The following ITGAV variants were observed in gnomAD, a reference collection of about 807,000 sequenced individuals.
ITGAV encodes integrin alpha-V.
A neutral mutation model predicts 143.8 loss-of-function variants in ITGAV; 76 were observed. The ratio of observed to expected loss-of-function variants is 0.53; its 90% CI spans 0.44 to 0.64. The LOEUF (loss-of-function observed/expected upper bound fraction) is 0.64, where lower values mean the gene tolerates loss of function less well. Ranked by LOEUF, ITGAV falls within the 30% of genes least tolerant of loss-of-function variation. The pLI, the probability that ITGAV is intolerant of heterozygous loss-of-function variation, is 0.00. For missense variants in ITGAV, 1,193 were observed against 1,274.7 expected, an observed-to-expected ratio of 0.94 and a Z score of 0.98; for synonymous variants, 453 against 446.7, an observed-to-expected ratio of 1.01 and a Z score of -0.18.
intron 2 of ITGAV, among the ~76,000 whole-genome samples, chr2:186,608,609 A>AT (rs1025028082): frequency 3.3e-5 from 5 of 151,672 alleles, no homozygotes; most frequent in African/African-American, 1.2e-4. Flanking sequence ...ATTAAGCTGA[A>AT]TTTTTTGTTG....
intron 25 of ITGAV, 27 bp from the exon 26 acceptor site, chr2:186,669,674 A>G (rs544507173): frequency 1.4e-6 from 2 of 1,462,836 alleles, no homozygotes; most frequent in East Asian, 4.5e-5. Flanking sequence ...ATCATTTACC[A>G]CCATTTTATT....
chr2:186,661,346 T>A (rs1016940940), intron 18 of ITGAV, among the ~76,000 whole-genome samples: 6 of 152,176 alleles, frequency 3.9e-5, no homozygotes, highest in Admixed American at 1.3e-4. Flanking sequence ...AAGCATCAGC[T>A]TTTAACATTA....
chr2:186,652,559 C>G (rs1235354101), intron 15 of ITGAV, among the ~76,000 whole-genome samples: 1 of 152,040 alleles, frequency 6.6e-6, no homozygotes, highest in African/African-American at 2.4e-5. Flanking sequence ...TATCTAAAGG[C>G]TGTAAAGATA....
At chr2:186,646,245 C>T (rs1688253734) in intron 12 of ITGAV, among the ~76,000 whole-genome samples, 1 of 152,092 alleles carries the variant, frequency 6.6e-6, no homozygotes, top group South Asian at 2.1e-4. Flanking sequence ...ACAATACCAT[C>T]CATAAATAAA....
chr2:186,656,840 G>A lies in ITGAV; in HGVS notation c.1719+439G>A, dbSNP rs561128265. Among the ~76,000 whole-genome samples the A allele has an allele frequency of 1.3e-4, 20 of 152,278 alleles. No individual in the cohort carries two copies. The East Asian group carries it at 2.7e-3, about 21-fold the overall frequency. On this transcript the variant is annotated intron_variant, in intron 17 of 29. Transcript: ENST00000261023. ...TTGCAGACACCAGCACAGGAATTCC[G>A]ACAGTTGTATAAGGCTAAGTGTTCT...
intron 1 of ITGAV, among the ~76,000 whole-genome samples, chr2:186,601,358 G>A (rs944792381): frequency 6.6e-6 from 1 of 151,888 alleles, no homozygotes; most frequent in Non-Finnish European, 1.5e-5. Context: ...CTGCTCAGGA[G>A]GCTGAGGTAG....
rs112803582 is a variant in ITGAV at position 186,656,392 on chromosome 2, G to A, written c.1710G>A (p.Ala570=). Reference sequence around the variant, plus strand: ...TGATGCAGTGTGAGGAATTGATAGCGTATCTGCGGGTAAGAGCTAACTTTT... The same window carrying A: ...TGATGCAGTGTGAGGAATTGATAGCATATCTGCGGGTAAGAGCTAACTTTT... ...GGLMQCEELI[A]YLRDESEFRD... The change falls in exon 17 of 30, where the codon GCG becomes GCA. Residue 570 remains alanine, a synonymous_variant. Transcript: ENST00000261023. 2.4e-3 allele frequency: 3,491 copies of A among 1,482,714 alleles called. 17 individuals are homozygous for A. In the Middle Eastern group the frequency reaches 0.039, roughly 16 times the overall value. 91.8% of individuals were successfully genotyped at this position (1,482,714 alleles called of 1,614,324 possible). A position where few individuals can be genotyped will look rare whatever the true frequency, so the allele number is the denominator to read the frequency against.
intron 12 of ITGAV, among the ~76,000 whole-genome samples, chr2:186,643,970 G>T (rs1050767025): frequency 1.3e-5 from 2 of 152,120 alleles, no homozygotes; most frequent in African/African-American, 4.8e-5. Context: ...TTGAGACAGG[G>T]TATTGCTCTG....
At chr2:186,669,467 T>A (rs1402862786) in intron 25 of ITGAV, among the ~76,000 whole-genome samples, 3 of 152,212 alleles carry the variant, frequency 2.0e-5, no homozygotes, top group Non-Finnish European at 2.9e-5. Context: ...CCACTCTAGC[T>A]AAGCAAGGGC....
Position 186,659,147 on chromosome 2 carries a change from A to C in ITGAV, c.1829A>C (p.Gln610Pro). The C allele has an allele frequency of 6.2e-7, 1 of 1,610,494 alleles. No homozygotes were observed. Among genetic ancestry groups the C allele is most frequent in the Non-Finnish European group, 8.5e-7 (1 of 1,178,108 alleles). Reference protein sequence around the residue: ...DTTGLQPILNQFTPANISRQA... With the variant: ...DTTGLQPILNPFTPANISRQA... ...ACAGGCTTGCAACCCATTCTTAACC[A>C]GTTCACGCCTGCTAACATTAGTCGA... is the stretch of plus-strand genomic sequence containing the variant. The change falls in exon 18 of 30, where the codon CAG (glutamine) becomes CCG (proline). Residue 610 changes from glutamine (Q) to proline (P), a missense_variant. By Grantham distance (76) the Gln-to-Pro change is moderately conservative. Transcript: ENST00000261023.
At chr2:186,645,819 A>G (rs1010883901) in intron 12 of ITGAV, among the ~76,000 whole-genome samples, 1 of 152,050 alleles carries the variant, frequency 6.6e-6, no homozygotes, top group African/African-American at 2.4e-5. Flanking sequence ...AAAAACAAAA[A>G]AAATTAGCCG....
At chr2:186,616,501 A>G (rs958423946) in intron 2 of ITGAV, among the ~76,000 whole-genome samples, 1 of 151,594 alleles carries the variant, frequency 6.6e-6, no homozygotes, top group Non-Finnish European at 1.5e-5. Context: ...GATGGTCTCG[A>G]TCTCCTGACC....
intron 10 of ITGAV, among the ~76,000 whole-genome samples, chr2:186,640,700 A>T (rs1574484398): frequency 6.6e-6 from 1 of 152,184 alleles, no homozygotes. Context: ...TTGTGTATAT[A>T]CATGTAATAT....
chr2:186,654,592 A>C, intron 15 of ITGAV, 58 bp from the exon 16 acceptor site: 1 of 852,244 alleles, frequency 1.2e-6, no homozygotes. Flanking sequence ...GTGGGTGATA[A>C]TAAAAATATG....
chr2:186,626,818 T>G (rs1028962561), intron 4 of ITGAV, among the ~76,000 whole-genome samples: 3 of 152,182 alleles, frequency 2.0e-5, no homozygotes, highest in African/African-American at 7.2e-5. Flanking sequence ...GGCTTTATCC[T>G]CAGTGCTTGG....
chr2:186,634,723 A>G (rs1231572568), intron 6 of ITGAV, among the ~76,000 whole-genome samples: 1 of 152,238 alleles, frequency 6.6e-6, no homozygotes, highest in Non-Finnish European at 1.5e-5. Flanking sequence ...GAAAAATTAT[A>G]ATTGAGTTTT....
At chr2:186,606,347 G>A (rs28660124) in intron 2 of ITGAV, among the ~76,000 whole-genome samples, 96 of 152,284 alleles carry the variant, frequency 6.3e-4, no homozygotes, top group African/African-American at 2.1e-3. Context: ...AGCTGTTGAC[G>A]TTGCACGGGT....
chr2:186,602,015 T>C lies in ITGAV; in HGVS notation c.186-6T>C, dbSNP rs777145737. ...TAAACTTTGGTCTGCCGCTTTTGTA[T>C]TTTAGCCGGATGTTTCTTCTCGTGG... On this transcript the variant is annotated splice_region_variant and splice_polypyrimidine_tract_variant and intron_variant, in intron 1 of 29. Coordinates refer to ENST00000261023, the MANE Select transcript of ITGAV (RefSeq NM_002210.5). 5 of 1,604,966 alleles carry C rather than the reference T, an allele frequency of 3.1e-6. No homozygotes were observed.
At chr2:186,632,354 G>T (rs994652094) in intron 5 of ITGAV, among the ~76,000 whole-genome samples, 2 of 152,020 alleles carry the variant, frequency 1.3e-5, no homozygotes, top group Non-Finnish European at 2.9e-5. Context: ...TGCTAAATTA[G>T]GTATTCACTT....
Sources: gnomAD v4.1 joint callset for allele counts (sites outside exome capture counted in the v4.1 genomes callset) on GRCh38, gnomAD v4.1.1 for gene constraint, MANE v1.5 for transcripts, NCBI Gene and HGNC (gene_info 2026-07-23, HGNC 2026-07-21) for gene names.